The following GNB5 variants were observed in gnomAD, a reference collection of about 807,000 sequenced individuals.
GNB5 encodes the protein guanine nucleotide-binding protein subunit beta-5.
In GNB5, 37 loss-of-function variants were observed where a neutral mutation model predicts 55.3. That is an observed-to-expected ratio of 0.67 (90% CI 0.51 to 0.88). The LOEUF is 0.88. Among genes scored for constraint, GNB5 ranks in the 40% least tolerant of loss-of-function variants. GNB5 has a pLI of 0.00. For missense variants in GNB5, 476 were observed against 515.3 expected, an observed-to-expected ratio of 0.92 and a Z score of 0.74; for synonymous variants, 219 against 198.5, an observed-to-expected ratio of 1.10 and a Z score of -0.87.
intron 3 of GNB5, among the ~76,000 whole-genome samples, chr15:52,171,216 T>C (rs922946805): frequency 6.6e-6 from 1 of 151,762 alleles, no homozygotes; most frequent in African/African-American, 2.4e-5. Flanking sequence ...TAAGGTTCCA[T>C]ATAAGAATTT....
Position 52,120,628 on chromosome 15 carries a change from A to AAG in GNB5, c.*2128_*2129insCT, listed in dbSNP as rs386382989. 6.6e-6 allele frequency: 1 copy of AAG among 151,802 alleles called. No individual in the cohort carries two copies. The highest frequency in any genetic ancestry group is 1.9e-4 in the East Asian group (1 of 5,166). The allele number at this position is 151,802 out of a possible 1,614,324, so 9.4% of individuals were successfully genotyped here. A position where few individuals can be genotyped will look rare whatever the true frequency, so the allele number is the denominator to read the frequency against. On this transcript the variant is annotated 3_prime_UTR_variant, in exon 13 of 13. Coordinates refer to ENST00000261837, the MANE Select transcript of GNB5 (RefSeq NM_016194.4). ...CGGAAGGCACAGTGCAGAGACAAAA[A>AAG]AAAAAATGGCTGTGGGAGAGAGGGT...
intron 3 of GNB5, among the ~76,000 whole-genome samples, chr15:52,158,471 G>A (rs564295568): frequency 9.2e-5 from 14 of 152,032 alleles, no homozygotes; most frequent in African/African-American, 2.9e-4. Context: ...TTTGGTGGGC[G>A]AACAAAACAA....
At chr15:52,136,940 C>T in intron 7 of GNB5, 1 of 451,556 alleles carries the variant, frequency 2.2e-6, no homozygotes, top group Non-Finnish European at 4.4e-6. Flanking sequence ...AAAATACCTG[C>T]TCCTGGGAGA....
At chr15:52,163,724 G>A (rs1026748584) in intron 3 of GNB5, among the ~76,000 whole-genome samples, 1 of 152,210 alleles carries the variant, frequency 6.6e-6, no homozygotes, top group Non-Finnish European at 1.5e-5. Flanking sequence ...CTCCACCAGG[G>A]GGCAGCCAGA....
intron 3 of GNB5, 88 bp from the exon 4 acceptor site, chr15:52,154,164 A>T: frequency 7.6e-7 from 1 of 1,309,472 alleles, no homozygotes; most frequent in East Asian, 2.5e-5. Flanking sequence ...TGTTCCGCAG[A>T]GGGAGGCGGC....
chr15:52,190,778 T>TAAA (rs58614125), intron 1 of GNB5, among the ~76,000 whole-genome samples: 49 of 96,896 alleles, frequency 5.1e-4, no homozygotes, highest in African/African-American at 2.1e-3. Context: ...CTTATTTCCT[T>TAAA]AAAAAAAAAA....
At chr15:52,127,759 G>A (rs963036604) in intron 10 of GNB5, among the ~76,000 whole-genome samples, 2 of 151,194 alleles carry the variant, frequency 1.3e-5, no homozygotes, top group African/African-American at 4.9e-5. Flanking sequence ...TTATGTCTGA[G>A]AATGCTAAGG....
In GNB5 at chr15:52,140,905, G is replaced by A. The variant is rs144373071; in HGVS notation, c.627+235C>T. ...CACCCTCGCCAAGTCAATCAGAGGA[G>A]GATTTTCAATATGCCATGCAGTTTT... is the stretch of plus-strand genomic sequence containing the variant. On this transcript the variant is annotated intron_variant, in intron 7 of 12. Transcript: ENST00000261837. Among the ~76,000 whole-genome samples the A allele has an allele frequency of 1.9e-3, 285 of 152,208 alleles. 1 individual carries two copies. The highest frequency in any genetic ancestry group is 6.3e-3 in the African/African-American group (262 of 41,504).
rs1267194463 is a variant in GNB5 at position 52,124,620 on chromosome 15, T to C, written c.1029A>G (p.Gly343=). The change falls in exon 12 of 13, where the codon GGA becomes GGG. Residue 343 remains glycine (G), a synonymous_variant. Transcript: ENST00000261837. ...FSLSGRLLFA[G]YNDYTINVWD... ...AGACGTTGATAGTGTAATCATTGTATCCAGCAAACAGCAGGCGACCTTGAA... is the reference window on the plus strand; with the variant it reads ...AGACGTTGATAGTGTAATCATTGTACCCAGCAAACAGCAGGCGACCTTGAA... 1.2e-6 allele frequency: 2 copies of C among 1,613,964 alleles called. No homozygotes were observed. Among genetic ancestry groups the C allele is most frequent in the Middle Eastern group, 1.6e-4 (1 of 6,062 alleles).
intron 7 of GNB5, chr15:52,139,733 C>T (rs937085788): frequency 1.8e-6 from 2 of 1,105,860 alleles, no homozygotes; most frequent in African/African-American, 1.6e-5. Flanking sequence ...TCCCAGGCCG[C>T]GTCCCCGCCG....
At chr15:52,145,953 CTTTTTT>C (rs937011704) in intron 6 of GNB5, among the ~76,000 whole-genome samples, 1 of 127,558 alleles carries the variant, frequency 7.8e-6, no homozygotes, top group African/African-American at 3.0e-5. Flanking sequence ...TATAATATGA[CTTTTTT>C]TTTTTTTTTT....
At chr15:52,175,892 T>C (rs1475017874) in intron 3 of GNB5, among the ~76,000 whole-genome samples, 1 of 151,644 alleles carries the variant, frequency 6.6e-6, no homozygotes, top group Non-Finnish European at 1.5e-5. Flanking sequence ...CTACTAAAAA[T>C]ACAAAAATTA....
At chr15:52,170,634 G>A (rs2034538092) in intron 3 of GNB5, among the ~76,000 whole-genome samples, 2 of 150,832 alleles carry the variant, frequency 1.3e-5, no homozygotes, top group Non-Finnish European at 2.9e-5. Context: ...GATCTGTGCA[G>A]CAAACCACAT....
chr15:52,147,612 A>C, intron 5 of GNB5, 77 bp from the exon 6 acceptor site: 1 of 712,204 alleles, frequency 1.4e-6, no homozygotes, highest in Non-Finnish European at 2.3e-6. Context: ...TTTGAGATGG[A>C]GTCTCACTCT....
intron 6 of GNB5, among the ~76,000 whole-genome samples, chr15:52,142,555 A>G (rs987300302): frequency 6.8e-6 from 1 of 147,546 alleles, no homozygotes; most frequent in African/African-American, 2.4e-5. Context: ...TCTTCAAGCC[A>G]GCTGTGTTTT....
intron 5 of GNB5, among the ~76,000 whole-genome samples, chr15:52,148,533 G>A (rs76497371): frequency 0.028 from 4,338 of 152,258 alleles, 216 homozygotes; most frequent in African/African-American, 0.1. Flanking sequence ...TCTCCCATGG[G>A]AATAAAACCT....
At chr15:52,167,072 T>C (rs2034465154) in intron 3 of GNB5, among the ~76,000 whole-genome samples, 2 of 151,688 alleles carry the variant, frequency 1.3e-5, no homozygotes, top group South Asian at 2.1e-4. Context: ...AACTAGAAAA[T>C]CTAGAAGAAA....
At position 52,117,102 on chromosome 15, in the gene GNB5, A is replaced by ATATATATATTTTTTTTTTTTTTT; in HGVS notation, c.*5654_*5655insAAAAAAAAAAAAAAATATATATA. ...CCACGCCCAGCTAATATATATATAT[A>ATATATATATTTTTTTTTTTTTTT]TTTTTTTTTAGTACAGACAGGGTTT... On this transcript the variant is annotated 3_prime_UTR_variant, in exon 13 of 13. Transcript: ENST00000261837. The ATATATATATTTTTTTTTTTTTTT allele has an allele frequency of 3.4e-5, 3 of 87,102 alleles. No homozygotes were observed. The highest frequency in any genetic ancestry group is 1.8e-4 in the African/African-American group (3 of 16,420). The allele number at this position is 87,102 out of a possible 1,614,324, so 5.4% of individuals were successfully genotyped here.
rs2033146853 is a variant in GNB5, at chr15:52,116,681, A to G, written c.*6076T>C. The G allele has an allele frequency of 6.6e-6, 1 of 152,190 alleles. No individual in the cohort carries two copies. Among genetic ancestry groups the G allele is most frequent in the Non-Finnish European group, 1.5e-5 (1 of 68,030 alleles). The allele number at this position is 152,190 out of a possible 1,614,324, so 9.4% of individuals were successfully genotyped here. A position where few individuals can be genotyped will look rare whatever the true frequency, so the allele number is the denominator to read the frequency against. On this transcript the variant is annotated 3_prime_UTR_variant, in exon 13 of 13. Coordinates refer to ENST00000261837, the MANE Select transcript of GNB5 (RefSeq NM_016194.4). ...GGGAGGCCATGAAGAGGGGATTCTC[A>G]TGCTTGTATGCCTAATACCAAAAAT...
Sources: allele counts gnomAD v4.1 joint callset (sites outside exome capture counted in the v4.1 genomes callset), GRCh38; gene constraint gnomAD v4.1.1; transcripts MANE v1.5; gene names NCBI Gene and HGNC (gene_info 2026-07-23, HGNC 2026-07-21).